HAUS1: variants seen among roughly 807,000 people sequenced by gnomAD.
HAUS1 encodes the protein HAUS augmin like complex subunit 1, also known as HAUS augmin-like complex subunit 1.
Under a neutral mutation model 38.6 loss-of-function variants are expected in HAUS1, and 25 were observed. The ratio of observed to expected loss-of-function variants is 0.65; its 90% confidence interval spans 0.47 to 0.91. The LOEUF (loss-of-function observed/expected upper bound fraction) is 0.91. Among genes scored for constraint, HAUS1 ranks in the 40% least tolerant of loss-of-function variants. The pLI, the probability that HAUS1 is intolerant of heterozygous loss-of-function variation, is 0.00. For synonymous variants in HAUS1, 109 were observed against 112.9 expected (o/e 0.97, Z 0.22); for missense variants, 325 against 328.4 (o/e 0.99, Z 0.08).
In HAUS1 at chr18:46,125,762, G is replaced by C. The variant is rs764526053; in HGVS notation, c.757G>C (p.Val253Leu). The change falls in exon 8 of 9, where the codon GTG (valine) becomes CTG (leucine). Residue 253 changes from valine (V) to leucine (L), a missense_variant. Physicochemically the swap from Val to Leu is conservative, Grantham distance 32. Coordinates refer to ENST00000282058, the MANE Select transcript of HAUS1 (RefSeq NM_138443.4). ...TTTAAAGAATCCGTCTCTTGCTCAAGTGAAAATTGAAGAAGCAAAGCGAGA... is the reference window on the plus strand; with the variant it reads ...TTTAAAGAATCCGTCTCTTGCTCAACTGAAAATTGAAGAAGCAAAGCGAGA... ...DLMPNPSLAQ[V>L]KIEEAKRELD... The C allele has an allele frequency of 3.7e-6, 6 of 1,603,500 alleles. No individual in the cohort carries two copies. In the Admixed American group the frequency reaches 8.4e-5, roughly 22 times the overall value.
At chr18:46,110,688 G>A (rs1911607836) in intron 2 of HAUS1, among the ~76,000 whole-genome samples, 1 of 151,866 alleles carries the variant, frequency 6.6e-6, no homozygotes, top group Non-Finnish European at 1.5e-5. Flanking sequence ...TGCCTAGGCT[G>A]TGCCTTCATT....
chr18:46,105,618 G>T (rs938816560), intron 2 of HAUS1, among the ~76,000 whole-genome samples: 1 of 149,724 alleles, frequency 6.7e-6, no homozygotes, highest in Non-Finnish European at 1.5e-5. Flanking sequence ...ATCTTGCTCT[G>T]TCGCCCAGGC....
rs947195258 is a variant in HAUS1 at position 46,104,809 on chromosome 18, G to C, written c.30+368G>C. Reference sequence around the variant, plus strand: ...TGCATCCCAACACTGGGAGCCTCCCGGCGCGGCGGGGCTTCTGGTGATCGA... The same window carrying C: ...TGCATCCCAACACTGGGAGCCTCCCCGCGCGGCGGGGCTTCTGGTGATCGA... On this transcript the variant is annotated intron_variant, in intron 1 of 8. Coordinates refer to ENST00000282058, the MANE Select transcript of HAUS1 (RefSeq NM_138443.4). Among the ~76,000 whole-genome samples, 7 of 152,328 alleles carry C rather than the reference G, an allele frequency of 4.6e-5. No homozygotes were observed. The South Asian group carries it at 1.2e-3, about 27-fold the overall frequency.
At chr18:46,127,424 A>T (rs774277393) in intron 8 of HAUS1, among the ~76,000 whole-genome samples, 1 of 151,064 alleles carries the variant, frequency 6.6e-6, no homozygotes, top group African/African-American at 2.4e-5. Context: ...AATGGAAAAG[A>T]GGCCAGGTGC....
At position 46,123,088 on chromosome 18, in the gene HAUS1, G is replaced by A. The variant is rs574465394; in HGVS notation, c.601-211G>A. The A allele has an allele frequency of 3.1e-3, 1,440 of 471,132 alleles. 4 individuals carry two copies. The highest frequency in any genetic ancestry group is 4.4e-3 in the Non-Finnish European group (1,150 of 258,904). The allele number at this position is 471,132 out of a possible 1,614,324, so 29.2% of individuals were successfully genotyped here. ...TAGCCGGGCGTGGTGGTGGGCGCCT[G>A]TAGTCCCAGCTACTCAGGAGGCTGA... is the stretch of plus-strand genomic sequence containing the variant. On this transcript the variant is annotated intron_variant, in intron 5 of 8. Transcript: ENST00000282058.
intron 1 of HAUS1, 147 bp from the exon 2 acceptor site, chr18:46,105,047 C>G: frequency 1.9e-6 from 1 of 521,214 alleles, no homozygotes; most frequent in South Asian, 3.6e-5. Context: ...TCTAGTATCT[C>G]CCTAAAGACA....
intron 2 of HAUS1, among the ~76,000 whole-genome samples, chr18:46,107,389 G>A (rs2144243779): frequency 1.3e-5 from 2 of 152,200 alleles, no homozygotes; most frequent in Admixed American, 1.3e-4. Flanking sequence ...AATTATTTAT[G>A]TCTGTCCTTA....
intron 3 of HAUS1, among the ~76,000 whole-genome samples, chr18:46,118,705 A>G (rs1230010566): frequency 1.3e-5 from 2 of 152,214 alleles, no homozygotes; most frequent in African/African-American, 2.4e-5. Context: ...TTTTACTTAT[A>G]TAATAACATG....
chr18:46,116,454 G>C (rs1911800307), intron 2 of HAUS1, among the ~76,000 whole-genome samples: 1 of 151,958 alleles, frequency 6.6e-6, no homozygotes, highest in Non-Finnish European at 1.5e-5. Flanking sequence ...TCAGCTACCT[G>C]GGAGGCTGAG....
At chr18:46,112,853 C>T (rs1337158374) in intron 2 of HAUS1, among the ~76,000 whole-genome samples, 3 of 84,862 alleles carry the variant, frequency 3.5e-5, no homozygotes, top group African/African-American at 5.5e-5. Context: ...TATATATATT[C>T]CATATTACAT....
At position 46,124,823 on chromosome 18, in the gene HAUS1, A is replaced by C. The variant is rs1337327112; in HGVS notation, c.668A>C (p.Lys223Thr). 1 of 1,590,904 alleles carries C rather than the reference A, an allele frequency of 6.3e-7. No individual in the cohort carries two copies. The highest frequency in any genetic ancestry group is 8.6e-7 in the Non-Finnish European group (1 of 1,161,000). The change falls in exon 7 of 9, where the codon AAA becomes ACA. Residue 223 changes from lysine to threonine, a missense_variant and splice_region_variant. Lys to Thr is a moderately conservative substitution (Grantham distance 78). Coordinates refer to ENST00000282058, the MANE Select transcript of HAUS1 (RefSeq NM_138443.4). ...SHQSLVALSE[K>T]LARLKQQTIP... ...GTGACTGTGTTCTTTTACCCCCAGA[A>C]ACTGGCAAGATTAAAGCAACAGACT...
Position 46,124,883 on chromosome 18 carries a change from A to G in HAUS1, c.728A>G (p.Asp243Gly). 2 of 1,571,628 alleles carry G rather than the reference A, an allele frequency of 1.3e-6. No homozygotes were observed. The highest frequency in any genetic ancestry group is 1.8e-6 in the Non-Finnish European group (2 of 1,142,810). The change falls in exon 7 of 9, where the codon GAC becomes GGC. Residue 243 changes from aspartate (D) to glycine (G), a missense_variant. Coordinates refer to ENST00000282058, the MANE Select transcript of HAUS1 (RefSeq NM_138443.4). ...PLKKKLESYL[D>G]LMPNPSLAQV... is the part of the protein sequence containing the mutation. ...AAGAAAAAATTGGAGTCCTATTTAG[A>G]CTTAATGCCGGTAATAATTTTCGCG...
At chr18:46,125,951 C>T in intron 8 of HAUS1, 160 bp downstream of exon 8, 1 of 588,162 alleles carries the variant, frequency 1.7e-6, no homozygotes, top group South Asian at 2.1e-5. Context: ...ACTTTTTTGG[C>T]TGTGTACGTG....
At chr18:46,107,621 A>T (rs569904960) in intron 2 of HAUS1, among the ~76,000 whole-genome samples, 21 of 152,370 alleles carry the variant, frequency 1.4e-4, no homozygotes, top group African/African-American at 4.6e-4. Context: ...TAACAAGTGT[A>T]CATTGATGTG....
chr18:46,117,678 C>T (rs1006059512), intron 2 of HAUS1, among the ~76,000 whole-genome samples: 3 of 152,028 alleles, frequency 2.0e-5, no homozygotes, highest in Non-Finnish European at 4.4e-5. Flanking sequence ...GGGGCAGTGG[C>T]TTACGCTTGT....
chr18:46,113,623 A>T (rs1911730405), intron 2 of HAUS1, among the ~76,000 whole-genome samples: 1 of 152,000 alleles, frequency 6.6e-6, no homozygotes, highest in African/African-American at 2.4e-5. Flanking sequence ...GGATATTTGA[A>T]GTTTTTCCTG....
At chr18:46,119,078 C>G (rs1599814769) in intron 3 of HAUS1, among the ~76,000 whole-genome samples, 1 of 152,210 alleles carries the variant, frequency 6.6e-6, no homozygotes, top group African/African-American at 2.4e-5. Context: ...ACCATGCTGG[C>G]CAGGCTGGTC....
In HAUS1 at chr18:46,128,200, G is replaced by T. The variant is rs547983053; in HGVS notation, c.*75G>T. 3 of 834,360 alleles carry T rather than the reference G, an allele frequency of 3.6e-6. No homozygotes were observed. The highest frequency in any genetic ancestry group is 2.8e-5 in the Admixed American group (1 of 36,068). The allele number at this position is 834,360 out of a possible 1,614,324, so 51.7% of individuals were successfully genotyped here. Reference sequence around the variant, plus strand: ...CTTTACAGAGTTCTTTTTCCTCTTGGCATTTCCTAATAACAAAACTTTCTG... The same window carrying T: ...CTTTACAGAGTTCTTTTTCCTCTTGTCATTTCCTAATAACAAAACTTTCTG... On this transcript the variant is annotated 3_prime_UTR_variant, in exon 9 of 9. Transcript: ENST00000282058.
intron 2 of HAUS1, chr18:46,109,641 A>C (rs1174733603): frequency 6.6e-6 from 1 of 150,578 alleles, no homozygotes; most frequent in African/African-American, 2.5e-5. Flanking sequence ...TTTCCTCCCG[A>C]GACAGAGTCA....
Sources: gnomAD v4.1 joint callset for allele counts (sites outside exome capture counted in the v4.1 genomes callset) on GRCh38, gnomAD v4.1.1 for gene constraint, MANE v1.5 for transcripts, NCBI Gene and HGNC (gene_info 2026-07-23, HGNC 2026-07-21) for gene names.